The following RASGRP3 variants were observed in gnomAD, a reference collection of about 807,000 sequenced individuals.
RASGRP3 encodes the protein ras guanyl-releasing protein 3.
In RASGRP3, 54 loss-of-function variants were observed where a neutral mutation model predicts 82.7. That is an observed-to-expected ratio of 0.65 (90% CI 0.52 to 0.82). RASGRP3 has a LOEUF of 0.82. Ranked by LOEUF, RASGRP3 falls within the 40% of genes least tolerant of loss-of-function variation. RASGRP3 has a pLI of 0.00. For missense variants in RASGRP3, 861 were observed against 828.9 expected (o/e 1.04, Z -0.48); for synonymous variants, 309 against 300.5 (o/e 1.03, Z -0.29).
chr2:33,501,408 T>C (rs1423862913), intron 1 of RASGRP3, among the ~76,000 whole-genome samples: 2 of 152,232 alleles, frequency 1.3e-5, no homozygotes, highest in Non-Finnish European at 2.9e-5. Context: ...CTTGGGTATG[T>C]ACCTAGGAAT....
At chr2:33,539,444 T>G (rs1230106931) in intron 12 of RASGRP3, 2 of 379,442 alleles carry the variant, frequency 5.3e-6, no homozygotes, top group Non-Finnish European at 9.6e-6. Flanking sequence ...TACTTCCAGC[T>G]CCTCTCTTTC....
chr2:33,522,143 C>T, intron 7 of RASGRP3, 41 bp downstream of exon 7: 1 of 1,567,382 alleles, frequency 6.4e-7, no homozygotes, highest in Non-Finnish European at 8.6e-7. Flanking sequence ...ATAACAACCA[C>T]CATGCCAACT....
chr2:33,528,050 AT>A (rs1228894313), intron 10 of RASGRP3, among the ~76,000 whole-genome samples: 4 of 152,068 alleles, frequency 2.6e-5, no homozygotes, highest in Non-Finnish European at 5.9e-5. Context: ...ATCCCAACCC[AT>A]CCATGTGGCA....
chr2:33,438,156 A>T (rs1036964876), intron 1 of RASGRP3, among the ~76,000 whole-genome samples: 1 of 152,278 alleles, frequency 6.6e-6, no homozygotes, highest in Non-Finnish European at 1.5e-5. Flanking sequence ...ACTGTATGTA[A>T]GGTTTAAGAA....
chr2:33,564,207 G>C lies in RASGRP3; in HGVS notation c.*1470G>C, dbSNP rs1677002317. ...TAAGAAAAACTTGGTCTTAGCCCTT[G>C]GGAGCTGACAGCCCATGGGCATTAA... On this transcript the variant is annotated 3_prime_UTR_variant, in exon 18 of 18. Coordinates refer to ENST00000403687, the MANE Select transcript of RASGRP3 (RefSeq NM_001139488.2). The C allele has an allele frequency of 6.6e-6, 1 of 152,170 alleles. No homozygotes were observed. Among genetic ancestry groups the C allele is most frequent in the Admixed American group, 6.6e-5 (1 of 15,266 alleles). 9.4% of individuals were successfully genotyped at this position (152,170 alleles called of 1,614,324 possible).
intron 13 of RASGRP3, among the ~76,000 whole-genome samples, chr2:33,545,767 A>T (rs1359388867): frequency 6.8e-6 from 1 of 148,074 alleles, no homozygotes; most frequent in African/African-American, 2.5e-5. Flanking sequence ...CTACGATGAG[A>T]TATCACCTCA....
intron 4 of RASGRP3, among the ~76,000 whole-genome samples, chr2:33,517,136 T>C (rs1671547238): frequency 6.6e-6 from 1 of 152,228 alleles, no homozygotes; most frequent in East Asian, 1.9e-4. Context: ...AGACTTATTA[T>C]AATTTGTTGA....
At chr2:33,492,421 C>T (rs540781489) in intron 1 of RASGRP3, among the ~76,000 whole-genome samples, 12 of 152,172 alleles carry the variant, frequency 7.9e-5, no homozygotes. Context: ...TATAGATCTC[C>T]AGTCCTTGGT....
intron 10 of RASGRP3, among the ~76,000 whole-genome samples, chr2:33,530,542 A>G (rs1336103376): frequency 2.3e-5 from 3 of 128,426 alleles, no homozygotes; most frequent in Non-Finnish European, 4.7e-5. Flanking sequence ...AGAAACTGAG[A>G]TTTACAAAGG....
Position 33,522,116 on chromosome 2 carries a change from C to T in RASGRP3, c.516+14C>T, listed in dbSNP as rs1413444693. ...AGAAGGATCTCAGTAAGAAACTTGA[C>T]ATTTATTCTTCCAAGGATAACAACC... is the stretch of plus-strand genomic sequence containing the variant. On this transcript the variant is annotated intron_variant, in intron 7 of 17. Coordinates refer to ENST00000403687, the MANE Select transcript of RASGRP3 (RefSeq NM_001139488.2). 4 of 1,594,828 alleles carry T rather than the reference C, an allele frequency of 2.5e-6. No individual in the cohort carries two copies. In the African/African-American group the frequency reaches 5.4e-5, roughly 22 times the overall value.
chr2:33,561,305 A>G (rs1425727007), intron 17 of RASGRP3, among the ~76,000 whole-genome samples: 1 of 152,092 alleles, frequency 6.6e-6, no homozygotes, highest in East Asian at 1.9e-4. Context: ...GACCTCAGGT[A>G]TTCTACCTGC....
chr2:33,488,403 A>T (rs937178652), intron 1 of RASGRP3, among the ~76,000 whole-genome samples: 29 of 152,186 alleles, frequency 1.9e-4, no homozygotes, highest in African/African-American at 6.8e-4. Flanking sequence ...AATGGAACAC[A>T]GAAGATGCTT....
At chr2:33,539,236 G>A (rs1375025150) in intron 12 of RASGRP3, 26 bp downstream of exon 12, 2 of 1,485,606 alleles carry the variant, frequency 1.3e-6, no homozygotes, top group Admixed American at 1.9e-5. Context: ...AGAATAAAGA[G>A]AGGGCACTAG....
chr2:33,521,260 G>C (rs771414906), intron 6 of RASGRP3, among the ~76,000 whole-genome samples: 17 of 152,162 alleles, frequency 1.1e-4, no homozygotes, highest in Non-Finnish European at 1.9e-4. Flanking sequence ...TCAGTTATTA[G>C]GTAACCGGTG....
intron 14 of RASGRP3, chr2:33,555,049 T>C (rs932440959): frequency 2.0e-5 from 3 of 152,816 alleles, no homozygotes; most frequent in African/African-American, 4.8e-5. Context: ...ACTAAGATCA[T>C]TTCCTCTTCT....
intron 13 of RASGRP3, among the ~76,000 whole-genome samples, chr2:33,548,223 C>T (rs1437770366): frequency 2.0e-5 from 3 of 151,718 alleles, no homozygotes; most frequent in Middle Eastern, 3.4e-3. Flanking sequence ...TAGCTGGGCG[C>T]AGTGGCGGGC....
At chr2:33,437,433 A>G (rs1664986085) in intron 1 of RASGRP3, among the ~76,000 whole-genome samples, 1 of 152,256 alleles carries the variant, frequency 6.6e-6, no homozygotes, top group Non-Finnish European at 1.5e-5. Flanking sequence ...CGCTGCTGAT[A>G]ATAACCACAT....
chr2:33,495,946 A>C (rs1275414010), intron 1 of RASGRP3, among the ~76,000 whole-genome samples: 1 of 152,218 alleles, frequency 6.6e-6, no homozygotes, highest in African/African-American at 2.4e-5. Flanking sequence ...ATGGGGATGC[A>C]GCCCTAAAAT....
intron 9 of RASGRP3, 65 bp downstream of exon 9, chr2:33,524,613 T>C: frequency 8.2e-7 from 1 of 1,223,298 alleles, no homozygotes; most frequent in African/African-American, 1.5e-5. Context: ...AGGTTTAGTA[T>C]ACGCCTAACA....
Sources: gnomAD v4.1 joint callset for allele counts (sites outside exome capture counted in the v4.1 genomes callset) on GRCh38, gnomAD v4.1.1 for gene constraint, MANE v1.5 for transcripts, NCBI Gene and HGNC (gene_info 2026-07-23, HGNC 2026-07-21) for gene names.